Variants in MARCHF6 observed in about 807,000 individuals in gnomAD.
MARCHF6 encodes membrane associated ring-CH-type finger 6.
MARCHF6 carries 31 observed loss-of-function variants against 133.7 expected under a neutral mutation model. The ratio of observed to expected loss-of-function variants is 0.23; its 90% confidence interval spans 0.17 to 0.31. The LOEUF (loss-of-function observed/expected upper bound fraction) is 0.31. Among genes scored for constraint, MARCHF6 ranks in the 10% least tolerant of loss-of-function variants. The pLI, the probability that MARCHF6 is intolerant of heterozygous loss-of-function variation, is 1.00. For synonymous variants in MARCHF6, 395 were observed against 402.5 expected (o/e 0.98, Z 0.22); for missense variants, 723 against 1,121.6 (o/e 0.64, Z 5.08).
Position 10,403,441 on chromosome 5 carries a change from T to G in MARCHF6, c.1232T>G (p.Leu411Arg), listed in dbSNP as rs1262409414. The change falls in exon 15 of 26, where the codon CTG (leucine) becomes CGG (arginine). Residue 411 changes from leucine to arginine, a missense_variant. Coordinates refer to ENST00000274140, the MANE Select transcript of MARCHF6 (RefSeq NM_005885.4). The stretch of plus-strand genomic sequence containing the variant: ...GATGCTACTCTGAAAGATCGAGAAC[T>G]GAGCTTTCAGTCGGCTCCAGGTACT... ...MFDATLKDRE[L>R]SFQSAPGTTM... 5 of 1,613,818 alleles carry G rather than the reference T, an allele frequency of 3.1e-6. No homozygotes were observed. The East Asian group carries it at 1.1e-4, about 36-fold the overall frequency.
chr5:10,388,542 A>G (rs554731800), intron 5 of MARCHF6, among the ~76,000 whole-genome samples: 2 of 152,332 alleles, frequency 1.3e-5, no homozygotes, highest in South Asian at 4.1e-4. Context: ...TTCTGGGGTC[A>G]GCAGTTTGGG....
At chr5:10,388,334 T>C (rs113052412) in intron 5 of MARCHF6, among the ~76,000 whole-genome samples, 2 of 152,344 alleles carry the variant, frequency 1.3e-5, no homozygotes, top group African/African-American at 2.4e-5. Context: ...TTCTGAGTAA[T>C]GTTTTACACT....
intron 1 of MARCHF6, among the ~76,000 whole-genome samples, chr5:10,358,656 A>AT (rs1394811361): frequency 6.6e-6 from 1 of 152,144 alleles, no homozygotes; most frequent in Non-Finnish European, 1.5e-5. Flanking sequence ...TTACACATGG[A>AT]TTTTTTTCTT....
At chr5:10,431,880 GCT>G (rs1222095665) in intron 25 of MARCHF6, among the ~76,000 whole-genome samples, 2 of 152,142 alleles carry the variant, frequency 1.3e-5, no homozygotes, top group African/African-American at 4.8e-5. Flanking sequence ...GCCAGGTAGT[GCT>G]GTGTATATTT....
Position 10,436,392 on chromosome 5 carries a change from G to A in MARCHF6, c.*2708G>A, listed in dbSNP as rs1361225208. The A allele has an allele frequency of 2.0e-5, 3 of 152,186 alleles. No homozygotes were observed. The highest frequency in any genetic ancestry group is 2.1e-4 in the South Asian group (1 of 4,812). 9.4% of individuals were successfully genotyped at this position (152,186 alleles called of 1,614,324 possible). ...CATAATATTTGCTTGGGTAGCATCC[G>A]GGTTTTAGTATTTAACCAAGAGCCT... On this transcript the variant is annotated 3_prime_UTR_variant, in exon 26 of 26. Transcript: ENST00000274140.
intron 15 of MARCHF6, 54 bp from the exon 16 acceptor site, chr5:10,405,504 T>C (rs1205006566): frequency 8.2e-6 from 12 of 1,457,032 alleles, no homozygotes; most frequent in African/African-American, 1.4e-5. Context: ...TTAGCTCATA[T>C]ATAGAATTTG....
intron 20 of MARCHF6, 161 bp from the exon 21 acceptor site, chr5:10,415,327 T>C: frequency 1.5e-6 from 1 of 678,766 alleles, no homozygotes; most frequent in Non-Finnish European, 2.5e-6. Flanking sequence ...TTGTGTACTC[T>C]TTAGACATTG....
chr5:10,403,049 GT>G (rs1211221805), intron 14 of MARCHF6, among the ~76,000 whole-genome samples: 2 of 152,124 alleles, frequency 1.3e-5, no homozygotes, highest in Non-Finnish European at 2.9e-5. Context: ...AATATTTTAT[GT>G]GTAGAAAAGC....
chr5:10,380,619 T>C (rs1191965647), intron 3 of MARCHF6, among the ~76,000 whole-genome samples: 1 of 152,230 alleles, frequency 6.6e-6, no homozygotes, highest in South Asian at 2.1e-4. Flanking sequence ...TCTGTGGGCA[T>C]GTGCCATTAA....
At chr5:10,401,128 C>T (rs186892867) in intron 11 of MARCHF6, 5 of 326,696 alleles carry the variant, frequency 1.5e-5, no homozygotes, top group Non-Finnish European at 2.8e-5. Flanking sequence ...ATCTCAAGAA[C>T]CTGTATGTTC....
At chr5:10,379,460 CTTTT>C (rs11362340) in intron 3 of MARCHF6, among the ~76,000 whole-genome samples, 1 of 144,668 alleles carries the variant, frequency 6.9e-6, no homozygotes. Context: ...AAAGATAAAG[CTTTT>C]TTTTTTTTTG....
intron 1 of MARCHF6, among the ~76,000 whole-genome samples, chr5:10,369,290 C>G (rs1476198547): frequency 1.3e-5 from 2 of 152,186 alleles, no homozygotes; most frequent in African/African-American, 2.4e-5. Flanking sequence ...CTGATGATTT[C>G]CAGTCCCTAA....
At chr5:10,400,752 G>A (rs756800735) in intron 10 of MARCHF6, 32 bp from the exon 11 acceptor site, 8 of 1,515,278 alleles carry the variant, frequency 5.3e-6, no homozygotes, top group Non-Finnish European at 7.3e-6. Context: ...TTTGATGTCG[G>A]AGTTTTCATG....
intron 7 of MARCHF6, among the ~76,000 whole-genome samples, chr5:10,392,159 C>T (rs115634986): frequency 0.036 from 5,507 of 152,150 alleles, 147 homozygotes; most frequent in Middle Eastern, 0.079. Context: ...GGGGTTTCAC[C>T]GTGTTACCAG....
chr5:10,355,865 A>G (rs1238430726), intron 1 of MARCHF6, among the ~76,000 whole-genome samples: 1 of 152,226 alleles, frequency 6.6e-6, no homozygotes, highest in Non-Finnish European at 1.5e-5. Context: ...ATGAGTGTAT[A>G]CTACAAGTCC....
chr5:10,432,038 T>A (rs1158049773), intron 25 of MARCHF6, among the ~76,000 whole-genome samples: 1 of 152,206 alleles, frequency 6.6e-6, no homozygotes, highest in Non-Finnish European at 1.5e-5. Flanking sequence ...AATAAAACAG[T>A]GACATTATGG....
chr5:10,423,639 T>C lies in MARCHF6; in HGVS notation c.2284-96T>C, dbSNP rs1739938640. 4.3e-6 allele frequency: 3 copies of C among 696,398 alleles called. No individual in the cohort carries two copies. The Admixed American group carries it at 9.4e-5, about 22-fold the overall frequency. 43.1% of individuals were successfully genotyped at this position (696,398 alleles called of 1,614,324 possible). A position where few individuals can be genotyped will look rare whatever the true frequency, so the allele number is the denominator to read the frequency against. Reference sequence around the variant, plus strand: ...TTGCCAATCCTATAGAACTTCTATTTTGATGTGAAATAATGTAAGAAAATT... The same window carrying C: ...TTGCCAATCCTATAGAACTTCTATTCTGATGTGAAATAATGTAAGAAAATT... On this transcript the variant is annotated intron_variant, in intron 22 of 25. Transcript: ENST00000274140.
intron 1 of MARCHF6, among the ~76,000 whole-genome samples, chr5:10,369,425 C>G (rs1736326027): frequency 6.6e-6 from 1 of 152,092 alleles, no homozygotes; most frequent in South Asian, 2.1e-4. Context: ...ATCCTTCTTT[C>G]TTATTTGTTC....
At chr5:10,430,114 A>G (rs1740292545) in intron 25 of MARCHF6, 86 bp downstream of exon 25, 2 of 1,438,996 alleles carry the variant, frequency 1.4e-6, no homozygotes, top group African/African-American at 2.8e-5. Context: ...TAGGAGGGAA[A>G]CATGCTCAGA....
Sources: gnomAD v4.1 joint callset for allele counts (sites outside exome capture counted in the v4.1 genomes callset) on GRCh38, gnomAD v4.1.1 for gene constraint, MANE v1.5 for transcripts, NCBI Gene and HGNC (gene_info 2026-07-23, HGNC 2026-07-21) for gene names.